PPP2R3A: variants seen among roughly 807,000 people sequenced by gnomAD.
The protein encoded by PPP2R3A is serine/threonine-protein phosphatase 2A regulatory subunit B'' subunit alpha.
A neutral mutation model predicts 106.9 loss-of-function variants in PPP2R3A; 80 were observed. The observed-to-expected ratio is 0.75, with a 90% CI of 0.62 to 0.90. The LOEUF (loss-of-function observed/expected upper bound fraction) is 0.90, where lower values mean the gene tolerates loss of function less well. PPP2R3A is among the 40% of genes least tolerant of loss of function. The probability of loss-of-function intolerance (pLI) is 0.00; values close to 1 mark genes in which losing one functional copy is unlikely to be tolerated. For missense variants in PPP2R3A, 1,386 were observed against 1,350.4 expected (o/e 1.03, Z -0.41); for synonymous variants, 483 against 468.3 (o/e 1.03, Z -0.41).
chr3:136,118,255 A>G (rs1047330313), intron 13 of PPP2R3A, among the ~76,000 whole-genome samples: 2 of 152,212 alleles, frequency 1.3e-5, no homozygotes, highest in Non-Finnish European at 2.9e-5. Context: ...ATTTATGACA[A>G]ACCCACAGCC....
intron 13 of PPP2R3A, among the ~76,000 whole-genome samples, chr3:136,126,267 A>G (rs899256400): frequency 6.6e-6 from 1 of 152,232 alleles, no homozygotes; most frequent in Non-Finnish European, 1.5e-5. Flanking sequence ...ACTCACACCT[A>G]AATACTGCGC....
At chr3:136,118,431 C>T (rs1937864777) in intron 13 of PPP2R3A, among the ~76,000 whole-genome samples, 1 of 152,212 alleles carries the variant, frequency 6.6e-6, no homozygotes, top group Non-Finnish European at 1.5e-5. Context: ...AAGAGGAAGT[C>T]AAATTGTCCC....
intron 8 of PPP2R3A, among the ~76,000 whole-genome samples, chr3:136,084,368 A>G (rs1055403648): frequency 5.9e-5 from 9 of 152,192 alleles, no homozygotes; most frequent in Admixed American, 5.9e-4. Flanking sequence ...GGGTACACAG[A>G]AGTCAAGTAT....
Position 136,003,455 on chromosome 3 carries a change from T to A in PPP2R3A, c.1957T>A (p.Ser653Thr). 1.2e-6 allele frequency: 2 copies of A among 1,613,022 alleles called. No individual in the cohort carries two copies. The highest frequency in any genetic ancestry group is 1.7e-6 in the Non-Finnish European group (2 of 1,179,588). The change falls in exon 2 of 14, where the codon TCA becomes ACA. Residue 653 changes from serine (S) to threonine (T), a missense_variant. Coordinates refer to ENST00000264977, the MANE Select transcript of PPP2R3A (RefSeq NM_002718.5). ...PVGDKAKDTT[S>T]AVLIQQTPEV... ...TGGTGATAAAGCCAAAGATACTACTTCAGCAGTTTTGATTCAGCAGACTCC... is the reference window on the plus strand; with the variant it reads ...TGGTGATAAAGCCAAAGATACTACTACAGCAGTTTTGATTCAGCAGACTCC...
chr3:136,030,768 A>ATG (rs1934845878), intron 3 of PPP2R3A, among the ~76,000 whole-genome samples: 1 of 117,252 alleles, frequency 8.5e-6, no homozygotes, highest in South Asian at 2.7e-4. Context: ...TCACATATAT[A>ATG]TATATATATA....
rs58749785 is a variant in PPP2R3A, at chr3:136,001,040, AT to A, written c.-440-8del. 2,142 of 338,782 alleles carry A rather than the reference AT, an allele frequency of 6.3e-3. 4 individuals carry two copies. Among genetic ancestry groups the A allele is most frequent in the African/African-American group, 0.015 (715 of 46,316 alleles). 21.0% of individuals were successfully genotyped at this position (338,782 alleles called of 1,614,324 possible). ...CCAGCATTAAAAAAATTTCCTTTTA[AT>A]TTTTTTTTTTATTACAGGTTTCTCT... On this transcript the variant is annotated intron_variant, in intron 1 of 13. Coordinates refer to ENST00000264977, the MANE Select transcript of PPP2R3A (RefSeq NM_002718.5).
chr3:136,124,666 GA>G lies in PPP2R3A; in HGVS notation c.3329+18347del, dbSNP rs1236478652. On this transcript the variant is annotated intron_variant, in intron 13 of 13. Transcript: ENST00000264977. ...TAATAAAATCAGAATAGAAATCAAT[GA>G]AATAGAAAACAGGAAAAAATATAAA... Among the ~76,000 whole-genome samples, 4 of 151,626 alleles carry G rather than the reference GA, an allele frequency of 2.6e-5. No homozygotes were observed. In the South Asian group the frequency reaches 8.3e-4, roughly 32 times the overall value.
Position 136,145,715 on chromosome 3 carries a change from G to A in PPP2R3A, c.*549G>A, listed in dbSNP as rs973808245. 6.5e-6 allele frequency: 1 copy of A among 152,690 alleles called. No individual in the cohort carries two copies. The highest frequency in any genetic ancestry group is 3.4e-3 in the Middle Eastern group (1 of 296). The allele number at this position is 152,690 out of a possible 1,614,324, so 9.5% of individuals were successfully genotyped here. A position where few individuals can be genotyped will look rare whatever the true frequency, so the allele number is the denominator to read the frequency against. On this transcript the variant is annotated 3_prime_UTR_variant, in exon 14 of 14. Coordinates refer to ENST00000264977, the MANE Select transcript of PPP2R3A (RefSeq NM_002718.5). ...AGATCTTTAACTTACCTGGCTTAAT[G>A]TAATTTCACAGTTACCTGCCAAACT...
At chr3:136,092,853 G>A (rs1223256749) in intron 10 of PPP2R3A, among the ~76,000 whole-genome samples, 1 of 152,180 alleles carries the variant, frequency 6.6e-6, no homozygotes, top group Non-Finnish European at 1.5e-5. Flanking sequence ...TGGTGCAAAA[G>A]TAATTGTGGT....
Position 136,146,942 on chromosome 3 carries a change from A to G in PPP2R3A, c.*1776A>G, listed in dbSNP as rs373858385. 30 of 152,150 alleles carry G rather than the reference A, an allele frequency of 2.0e-4. No homozygotes were observed. The highest frequency in any genetic ancestry group is 8.3e-4 in the South Asian group (4 of 4,818). The allele number at this position is 152,150 out of a possible 1,614,324, so 9.4% of individuals were successfully genotyped here. On this transcript the variant is annotated 3_prime_UTR_variant, in exon 14 of 14. Coordinates refer to ENST00000264977, the MANE Select transcript of PPP2R3A (RefSeq NM_002718.5). ...TTATTATCCATAATGATCTAAACTAATAAGATTCACCAAAAAGTAAAAATT... is the reference window on the plus strand; with the variant it reads ...TTATTATCCATAATGATCTAAACTAGTAAGATTCACCAAAAAGTAAAAATT...
At chr3:135,994,872 C>T (rs989590039) in intron 1 of PPP2R3A, among the ~76,000 whole-genome samples, 3 of 152,132 alleles carry the variant, frequency 2.0e-5, no homozygotes, top group Non-Finnish European at 4.4e-5. Flanking sequence ...TCTTATCTTT[C>T]AAAAATCCAG....
At chr3:135,995,046 G>A (rs1254179187) in intron 1 of PPP2R3A, among the ~76,000 whole-genome samples, 1 of 152,184 alleles carries the variant, frequency 6.6e-6, no homozygotes, top group African/African-American at 2.4e-5. Context: ...GTAATAGTAA[G>A]TGCTTGATAA....
chr3:136,026,425 T>G (rs1399907736), intron 2 of PPP2R3A, among the ~76,000 whole-genome samples: 1 of 152,158 alleles, frequency 6.6e-6, no homozygotes, highest in Non-Finnish European at 1.5e-5. Context: ...AACTTGTTTT[T>G]GCCTGTTGAA....
chr3:136,033,473 C>T (rs1009937649), intron 3 of PPP2R3A, among the ~76,000 whole-genome samples: 3 of 152,148 alleles, frequency 2.0e-5, no homozygotes, highest in Non-Finnish European at 2.9e-5. Flanking sequence ...ACCAATTCTT[C>T]TTTGAATGTC....
At chr3:136,045,122 A>G (rs1576458772) in intron 4 of PPP2R3A, among the ~76,000 whole-genome samples, 3 of 151,978 alleles carry the variant, frequency 2.0e-5, no homozygotes, top group Admixed American at 2.0e-4. Flanking sequence ...TGATCCATGC[A>G]CTCCCCTGTC....
In PPP2R3A at chr3:136,001,759, C is replaced by G. The variant is rs376851575; in HGVS notation, c.261C>G (p.Pro87=). The G allele has an allele frequency of 6.2e-7, 1 of 1,613,998 alleles. No homozygotes were observed. The highest frequency in any genetic ancestry group is 1.3e-5 in the African/African-American group (1 of 74,912). The stretch of plus-strand genomic sequence containing the variant: ...TTTCTTCGGCTGAAGGAGACTATCC[C>G]CAACAGGCCTTCACAGGCATACCCA... ...NGLSSAEGDY[P]QQAFTGIPRV... The change falls in exon 2 of 14, where the codon CCC becomes CCG. Residue 87 remains proline (P), a synonymous_variant. Coordinates refer to ENST00000264977, the MANE Select transcript of PPP2R3A (RefSeq NM_002718.5).
chr3:135,990,146 G>T (rs887794845), intron 1 of PPP2R3A, among the ~76,000 whole-genome samples: 1 of 152,074 alleles, frequency 6.6e-6, no homozygotes, highest in African/African-American at 2.4e-5. Flanking sequence ...AGGCGGGTCC[G>T]GGCACCACCC....
intron 2 of PPP2R3A, among the ~76,000 whole-genome samples, chr3:136,025,335 C>G (rs1934608633): frequency 1.3e-5 from 2 of 152,008 alleles, no homozygotes. Context: ...GTATCACTTC[C>G]CTTTGTTCTG....
chr3:136,013,873 G>A (rs1281765589), intron 2 of PPP2R3A, among the ~76,000 whole-genome samples: 1 of 152,094 alleles, frequency 6.6e-6, no homozygotes, highest in Non-Finnish European at 1.5e-5. Context: ...CTCTGTTTCT[G>A]TTGCATTTGC....
Sources: allele counts gnomAD v4.1 joint callset (sites outside exome capture counted in the v4.1 genomes callset), GRCh38; gene constraint gnomAD v4.1.1; transcripts MANE v1.5; gene names NCBI Gene and HGNC (gene_info 2026-07-23, HGNC 2026-07-21).